TSPAN7: variants seen among roughly 807,000 people sequenced by gnomAD.
TSPAN7 encodes tetraspanin 7.
Under a neutral mutation model 17.6 loss-of-function variants are expected in TSPAN7, and 1 was observed. The observed-to-expected ratio is 0.06, with a 90% CI of 0.02 to 0.27. The LOEUF (loss-of-function observed/expected upper bound fraction) is 0.27, where lower values mean the gene tolerates loss of function less well. TSPAN7 is among the 10% of genes least tolerant of loss of function. The pLI, the probability that TSPAN7 is intolerant of heterozygous loss-of-function variation, is 1.00. For missense variants in TSPAN7, 112 were observed against 201.7 expected, an observed-to-expected ratio of 0.56 and a Z score of 2.69; for synonymous variants, 78 against 79.0, an observed-to-expected ratio of 0.99 and a Z score of 0.07.
intron 1 of TSPAN7, among the ~76,000 whole-genome samples, chrX:38,657,810 A>G (rs775536030): frequency 3.6e-5 from 4 of 112,569 alleles, no homozygotes; most frequent in Non-Finnish European, 5.6e-5. Flanking sequence ...GTTTCACTAC[A>G]CATATGAAGA....
chrX:38,675,099 C>G (rs906095603), intron 4 of TSPAN7, among the ~76,000 whole-genome samples: 3 of 112,037 alleles, frequency 2.7e-5, no homozygotes, highest in Non-Finnish European at 5.6e-5. Flanking sequence ...TGTAAAGGAT[C>G]AAATAGTAAA....
At chrX:38,607,782 C>A (rs772462476) in intron 1 of TSPAN7, among the ~76,000 whole-genome samples, 65 of 109,465 alleles carry the variant, frequency 5.9e-4, no homozygotes, top group African/African-American at 2.1e-3. Context: ...TCACCTTCTT[C>A]CTGATTCTGC....
At chrX:38,573,677 T>C (rs2069180555) in intron 1 of TSPAN7, among the ~76,000 whole-genome samples, 1 of 111,965 alleles carries the variant, frequency 8.9e-6, no homozygotes, top group African/African-American at 3.2e-5. Flanking sequence ...TTACATTTAG[T>C]AGTCATGTCT....
At position 38,678,467 on chromosome X, in the gene TSPAN7, C is replaced by T. The variant is rs897132152; in HGVS notation, c.597+2607C>T. 1.6e-4 allele frequency among the ~76,000 whole-genome samples: 18 copies of T among 111,251 alleles called. 1 individual carries two copies. In the Admixed American group the frequency reaches 1.6e-3, roughly 10 times the overall value. On this transcript the variant is annotated intron_variant, in intron 5 of 7. Transcript: ENST00000378482. ...GTAGATTTATCTCACACCTGACAAC[C>T]GACTTTCATATTAGGAAATTGAGAG...
intron 1 of TSPAN7, among the ~76,000 whole-genome samples, chrX:38,620,005 A>AT (rs1481927525): frequency 8.9e-6 from 1 of 111,925 alleles, no homozygotes; most frequent in African/African-American, 3.3e-5. Context: ...TGATGTGGTT[A>AT]TTGTTATTTA....
At chrX:38,582,589 A>G (rs759277629) in intron 1 of TSPAN7, among the ~76,000 whole-genome samples, 1 of 111,717 alleles carries the variant, frequency 9.0e-6, no homozygotes, top group African/African-American at 3.3e-5. Flanking sequence ...ATGATTGTAA[A>G]GGTTTGACTA....
chrX:38,591,500 A>G (rs1363767156), intron 1 of TSPAN7, among the ~76,000 whole-genome samples: 4 of 111,892 alleles, frequency 3.6e-5, no homozygotes, highest in Non-Finnish European at 7.5e-5. Flanking sequence ...TGTGTATTCT[A>G]CTGTTGTTGG....
intron 1 of TSPAN7, among the ~76,000 whole-genome samples, chrX:38,629,203 G>A (rs1241618763): frequency 4.4e-5 from 5 of 112,369 alleles, no homozygotes; most frequent in Admixed American, 9.4e-5. Context: ...CACTAGCCAC[G>A]TTTCGAGTGC....
rs752151041 is a variant in TSPAN7, at chrX:38,675,880, C to G, written c.597+20C>G. ...CAGAAGGTACCCGCTTTCTCCTGGC[C>G]CAGATGGGACCAGTGGTGAATGTTT... On this transcript the variant is annotated intron_variant, in intron 5 of 7. Coordinates refer to ENST00000378482, the MANE Select transcript of TSPAN7 (RefSeq NM_004615.4). 1.7e-6 allele frequency: 2 copies of G among 1,208,362 alleles called. No homozygotes were observed. The highest frequency in any genetic ancestry group is 4.4e-5 in the Admixed American group (2 of 45,926).
chrX:38,563,094 G>C (rs760362217), intron 1 of TSPAN7: 93 of 969,319 alleles, frequency 9.6e-5, no homozygotes, highest in Non-Finnish European at 1.2e-4. Flanking sequence ...AATGCACCCG[G>C]ACATTTCCTT....
chrX:38,666,458 C>G lies in TSPAN7; in HGVS notation c.270+149C>G, dbSNP rs779380614. On this transcript the variant is annotated intron_variant, in intron 2 of 7. Transcript: ENST00000378482. ...CTTTCCTAATCCATCCTTTAATCCC[C>G]TAGAGGTAAAAACAACCCCAAACAC... is the stretch of plus-strand genomic sequence containing the variant. 5.4e-5 allele frequency: 34 copies of G among 630,546 alleles called. No homozygotes were observed. The African/African-American group carries it at 7.3e-4, about 14-fold the overall frequency. 52.0% of individuals were successfully genotyped at this position (630,546 alleles called of 1,213,427 possible). A position where few individuals can be genotyped will look rare whatever the true frequency, so the allele number is the denominator to read the frequency against.
At chrX:38,584,111 GC>G (rs1486531806) in intron 1 of TSPAN7, among the ~76,000 whole-genome samples, 2 of 107,700 alleles carry the variant, frequency 1.9e-5, no homozygotes, top group Non-Finnish European at 3.8e-5. Flanking sequence ...CCACCCCCAT[GC>G]CCAGCTAATT....
chrX:38,611,705 T>C (rs1376715341), intron 1 of TSPAN7, among the ~76,000 whole-genome samples: 3 of 112,014 alleles, frequency 2.7e-5, no homozygotes, highest in African/African-American at 9.7e-5. Flanking sequence ...CTTGTACTCT[T>C]TGTAACATAA....
rs1004247191 is a variant in TSPAN7 at position 38,687,925 on chromosome X, C to T, written c.*8-14C>T. The T allele has an allele frequency of 1.7e-5, 5 of 297,062 alleles. No individual in the cohort carries two copies. Among genetic ancestry groups the T allele is most frequent in the Non-Finnish European group, 2.9e-5 (5 of 170,087 alleles). The allele number at this position is 297,062 out of a possible 1,213,427, so 24.5% of individuals were successfully genotyped here. ...TACTGGTGAATCACTCACATGTTCTCATTTCTCTCTTAGTCTTTCAAGAAT... is the reference window on the plus strand; with the variant it reads ...TACTGGTGAATCACTCACATGTTCTTATTTCTCTCTTAGTCTTTCAAGAAT... On this transcript the variant is annotated splice_polypyrimidine_tract_variant and intron_variant, in intron 7 of 7. Transcript: ENST00000378482.
chrX:38,579,459 G>A (rs893876510), intron 1 of TSPAN7, among the ~76,000 whole-genome samples: 5 of 109,743 alleles, frequency 4.6e-5, no homozygotes, highest in Non-Finnish European at 9.5e-5. Flanking sequence ...GGTAGCATGC[G>A]CCTATAATCC....
intron 1 of TSPAN7, among the ~76,000 whole-genome samples, chrX:38,622,033 A>T (rs1199219262): frequency 8.9e-6 from 1 of 112,739 alleles, no homozygotes; most frequent in East Asian, 2.8e-4. Flanking sequence ...TTATAAAGGC[A>T]AAAACTACTG....
intron 1 of TSPAN7, among the ~76,000 whole-genome samples, chrX:38,630,015 T>A (rs1378739054): frequency 1.8e-5 from 2 of 111,854 alleles, no homozygotes; most frequent in Non-Finnish European, 3.8e-5. Flanking sequence ...TATGGAAGGT[T>A]TAGGATTCTT....
chrX:38,649,140 A>T (rs1464875234), intron 1 of TSPAN7, among the ~76,000 whole-genome samples: 2 of 111,467 alleles, frequency 1.8e-5, no homozygotes, highest in East Asian at 2.8e-4. Context: ...GTATGTTAAC[A>T]GATTGTGACA....
intron 2 of TSPAN7, among the ~76,000 whole-genome samples, chrX:38,669,043 T>A (rs1796417888): frequency 9.1e-6 from 1 of 110,419 alleles, no homozygotes; most frequent in Admixed American, 9.7e-5. Context: ...TATTGCATAG[T>A]AGGGTAACTA....
Sources: gnomAD v4.1 joint callset for allele counts (sites outside exome capture counted in the v4.1 genomes callset) on GRCh38, gnomAD v4.1.1 for gene constraint, MANE v1.5 for transcripts, NCBI Gene and HGNC (gene_info 2026-07-23, HGNC 2026-07-21) for gene names.